MLLT10: variants seen among roughly 807,000 people sequenced by gnomAD.
MLLT10 encodes the protein protein AF-10.
A neutral mutation model predicts 129.1 loss-of-function variants in MLLT10; 30 were observed. That is an observed-to-expected ratio of 0.23 (90% CI 0.17 to 0.32). MLLT10 has a LOEUF of 0.32. Among genes scored for constraint, MLLT10 ranks in the 10% least tolerant of loss-of-function variants. The pLI, the probability that MLLT10 is intolerant of heterozygous loss-of-function variation, is 1.00. For missense variants in MLLT10, 1,119 were observed against 1,268.3 expected (o/e 0.88, Z 1.79); for synonymous variants, 490 against 446.4 (o/e 1.10, Z -1.23).
intron 9 of MLLT10, chr10:21,669,195 A>G: frequency 2.6e-6 from 2 of 761,166 alleles, no homozygotes; most frequent in South Asian, 2.3e-5. Context: ...GTTTTTATGA[A>G]ATATTTCTTC....
chr10:21,625,605 G>C, intron 8 of MLLT10: 1 of 757,062 alleles, frequency 1.3e-6, no homozygotes, highest in Non-Finnish European at 2.5e-6. Flanking sequence ...TCATCAGGTT[G>C]ATCATAGAGA....
chr10:21,593,926 T>TAAAAAAAA (rs61561146), intron 4 of MLLT10, among the ~76,000 whole-genome samples: 6 of 45,426 alleles, frequency 1.3e-4, no homozygotes, highest in African/African-American at 6.4e-4. Flanking sequence ...GCTTTGTCTT[T>TAAAAAAAA]AAAAAAAAAA....
At chr10:21,640,180 C>T (rs1413613555) in intron 8 of MLLT10, among the ~76,000 whole-genome samples, 1 of 141,834 alleles carries the variant, frequency 7.1e-6, no homozygotes, top group Non-Finnish European at 1.5e-5. Context: ...TATATAATAT[C>T]AAATATTATT....
intron 9 of MLLT10, among the ~76,000 whole-genome samples, chr10:21,661,437 CT>C (rs1217299993): frequency 5.9e-5 from 9 of 152,136 alleles, no homozygotes; most frequent in Admixed American, 3.9e-4. Context: ...ATTTTGACTT[CT>C]TTTGTTAGTC....
chr10:21,696,985 A>G (rs915337724), intron 13 of MLLT10, among the ~76,000 whole-genome samples: 5 of 151,640 alleles, frequency 3.3e-5, no homozygotes, highest in Non-Finnish European at 5.9e-5. Context: ...GTGAGACTCT[A>G]CATGAGTTGA....
chr10:21,647,683 T>C (rs561815993), intron 8 of MLLT10, among the ~76,000 whole-genome samples: 9 of 144,476 alleles, frequency 6.2e-5, no homozygotes, highest in Admixed American at 6.1e-4. Flanking sequence ...TGCTGTTTAC[T>C]GGCTCTTTTT....
rs1198146694 is a variant in MLLT10 at position 21,704,329 on chromosome 10, TTC to T, written c.1700-9415_1700-9414del. The stretch of plus-strand genomic sequence containing the variant: ...CAGCCTCTGTTTTGTTCTTTTTAAA[TTC>T]TCTCTCTCTCTCTCTCTCTCTCTCT... On this transcript the variant is annotated intron_variant, in intron 13 of 22. Transcript: ENST00000307729. 3.6e-3 allele frequency among the ~76,000 whole-genome samples: 439 copies of T among 121,082 alleles called. 2 individuals are homozygous for T. Among genetic ancestry groups the T allele is most frequent in the African/African-American group, 0.012 (366 of 30,878 alleles). The allele number at this position is 121,082 out of a possible 152,430, so 79.4% of individuals were successfully genotyped here. A position where few individuals can be genotyped will look rare whatever the true frequency, so the allele number is the denominator to read the frequency against.
At chr10:21,635,783 A>G (rs1007055510) in intron 8 of MLLT10, among the ~76,000 whole-genome samples, 1 of 150,962 alleles carries the variant, frequency 6.6e-6, no homozygotes, top group African/African-American at 2.4e-5. Flanking sequence ...CTAGAGTGCA[A>G]TGGTGCAATC....
At chr10:21,537,460 C>T (rs1274666361) in intron 2 of MLLT10, among the ~76,000 whole-genome samples, 3 of 151,758 alleles carry the variant, frequency 2.0e-5, no homozygotes, top group Non-Finnish European at 1.5e-5. Flanking sequence ...CCACACCTGG[C>T]TAATTTCTTT....
intron 2 of MLLT10, 90 bp downstream of exon 2, chr10:21,534,894 C>A: frequency 1.1e-6 from 1 of 950,770 alleles, no homozygotes. Flanking sequence ...GGCGCCCCCG[C>A]CCCGTGCCGC....
intron 3 of MLLT10, among the ~76,000 whole-genome samples, chr10:21,543,118 G>C (rs2035478416): frequency 6.6e-6 from 1 of 150,930 alleles, no homozygotes; most frequent in African/African-American, 2.4e-5. Context: ...TGCCCGGCTA[G>C]TTTTTTGTTT....
At chr10:21,728,488 C>T (rs201847781) in intron 16 of MLLT10, among the ~76,000 whole-genome samples, 2 of 152,038 alleles carry the variant, frequency 1.3e-5, no homozygotes, top group African/African-American at 4.8e-5. Context: ...CTGCATATTC[C>T]TTCTGTTCTA....
intron 6 of MLLT10, among the ~76,000 whole-genome samples, chr10:21,614,244 A>G (rs894890753): frequency 1.6e-5 from 2 of 128,764 alleles, no homozygotes; most frequent in African/African-American, 5.8e-5. Context: ...AAAAAAAAAA[A>G]GAATATTGTA....
intron 8 of MLLT10, chr10:21,626,285 C>T (rs2046427913): frequency 7.2e-7 from 1 of 1,390,124 alleles, no homozygotes; most frequent in African/African-American, 1.4e-5. Flanking sequence ...AGCTATCAAT[C>T]CAGGGCAGAG....
intron 5 of MLLT10, among the ~76,000 whole-genome samples, chr10:21,603,554 A>C (rs1012580769): frequency 6.6e-6 from 1 of 152,230 alleles, no homozygotes; most frequent in African/African-American, 2.4e-5. Flanking sequence ...ATAATATAAC[A>C]AACAACCTGT....
At chr10:21,544,684 A>G (rs2130919364) in intron 3 of MLLT10, among the ~76,000 whole-genome samples, 1 of 152,314 alleles carries the variant, frequency 6.6e-6, no homozygotes, top group Non-Finnish European at 1.5e-5. Context: ...AATGGATGTT[A>G]GGTAAAGGGA....
chr10:21,689,565 GTA>G (rs71393919), intron 13 of MLLT10, among the ~76,000 whole-genome samples: 8,860 of 113,288 alleles, frequency 0.078, 330 homozygotes, highest in East Asian at 0.14. Context: ...ATATATATAT[GTA>G]TATATATATA....
intron 14 of MLLT10, among the ~76,000 whole-genome samples, chr10:21,717,326 G>T (rs1419462399): frequency 7.4e-6 from 1 of 135,392 alleles, no homozygotes; most frequent in South Asian, 2.4e-4. Flanking sequence ...AGGGCTAGTA[G>T]AAGTTAAAAA....
chr10:21,537,101 T>C (rs1289022345), intron 2 of MLLT10, among the ~76,000 whole-genome samples: 2 of 152,080 alleles, frequency 1.3e-5, no homozygotes, highest in Non-Finnish European at 2.9e-5. Flanking sequence ...TCTCGAACTT[T>C]TGAGCTCAAG....
Sources: gnomAD v4.1 joint callset for allele counts (sites outside exome capture counted in the v4.1 genomes callset) on GRCh38, gnomAD v4.1.1 for gene constraint, MANE v1.5 for transcripts, NCBI Gene and HGNC (gene_info 2026-07-23, HGNC 2026-07-21) for gene names.